Variants in FAM13A observed in about 807,000 individuals in gnomAD.
FAM13A encodes family with sequence similarity 13 member A.
In FAM13A, 76 loss-of-function variants were observed where a neutral mutation model predicts 129.6. The observed-to-expected ratio is 0.59, with a 90% CI of 0.49 to 0.71. The LOEUF is 0.71. Among genes scored for constraint, FAM13A ranks in the 30% least tolerant of loss-of-function variants. The pLI, the probability that FAM13A is intolerant of heterozygous loss-of-function variation, is 0.00. For synonymous variants in FAM13A, 443 were observed against 449.9 expected, an observed-to-expected ratio of 0.98 and a Z score of 0.20; for missense variants, 1,108 against 1,249.3, an observed-to-expected ratio of 0.89 and a Z score of 1.70.
chr4:88,924,738 A>C (rs7664935), intron 5 of FAM13A, among the ~76,000 whole-genome samples: 112,092 of 149,822 alleles, frequency 0.75, 42,216 homozygotes, highest in Non-Finnish European at 0.78. Flanking sequence ...GCTGCACAGC[A>C]AAAGAAACTA....
At chr4:88,791,454 T>C (rs1725138630) in intron 8 of FAM13A, among the ~76,000 whole-genome samples, 1 of 152,146 alleles carries the variant, frequency 6.6e-6, no homozygotes, top group Admixed American at 6.6e-5. Flanking sequence ...CTGGCAGCTA[T>C]TTTAATTGTA....
chr4:88,736,462 C>T (rs920298705), intron 21 of FAM13A: 4 of 152,152 alleles, frequency 2.6e-5, no homozygotes, highest in African/African-American at 7.2e-5. Context: ...CGTAAATGAT[C>T]GCCCCAGGCT....
intron 7 of FAM13A, among the ~76,000 whole-genome samples, chr4:88,833,375 CAAAT>C (rs1734245106): frequency 6.6e-6 from 1 of 152,034 alleles, no homozygotes; most frequent in South Asian, 2.1e-4. Context: ...ACTTAAAAAA[CAAAT>C]AAGTAATGAA....
chr4:88,852,318 A>T (rs1343883355), intron 6 of FAM13A, among the ~76,000 whole-genome samples: 1 of 151,934 alleles, frequency 6.6e-6, no homozygotes, highest in East Asian at 1.9e-4. Context: ...TGCACCAACA[A>T]GTCAGGGTAA....
intron 7 of FAM13A, among the ~76,000 whole-genome samples, chr4:88,822,326 T>C (rs1732137332): frequency 6.6e-6 from 1 of 151,988 alleles, no homozygotes; most frequent in Admixed American, 6.5e-5. Context: ...TACCTTTCTC[T>C]GCTTTGGTAT....
In FAM13A at chr4:88,820,906, TCTTTTAC is replaced by T. The variant is rs1381788877; in HGVS notation, c.1008-15861_1008-15855del. On this transcript the variant is annotated intron_variant, in intron 7 of 23. Coordinates refer to ENST00000264344, the MANE Select transcript of FAM13A (RefSeq NM_014883.4). ...TTCTTTAGCTGCTATTTAAAGCTATTCTTTTACACATCCAATTTCAATGTAGTTTCTA... is the reference window on the plus strand; with the variant it reads ...TTCTTTAGCTGCTATTTAAAGCTATTACATCCAATTTCAATGTAGTTTCTA... 2.0e-5 allele frequency among the ~76,000 whole-genome samples: 3 copies of T among 152,224 alleles called. No homozygotes were observed. In the East Asian group the frequency reaches 5.8e-4, roughly 29 times the overall value.
intron 8 of FAM13A, among the ~76,000 whole-genome samples, chr4:88,796,750 T>A (rs1726266692): frequency 6.6e-6 from 1 of 152,038 alleles, no homozygotes; most frequent in Non-Finnish European, 1.5e-5. Flanking sequence ...CTCAAATAAT[T>A]TAATCCACTT....
intron 13 of FAM13A, among the ~76,000 whole-genome samples, chr4:88,762,173 A>G (rs7674009): frequency 0.094 from 14,345 of 152,156 alleles, 861 homozygotes; most frequent in African/African-American, 0.16. Context: ...CAGTTTTTCT[A>G]TGTTTCAGGA....
At position 88,851,196 on chromosome 4, in the gene FAM13A, A is replaced by G; in HGVS notation, c.844-13T>C. 1 of 1,558,208 alleles carries G rather than the reference A, an allele frequency of 6.4e-7. No individual in the cohort carries two copies. On this transcript the variant is annotated splice_polypyrimidine_tract_variant and intron_variant, in intron 6 of 23. Transcript: ENST00000264344. ...TGGATTTTGGGATCTAGAAGAAAAA[A>G]AAAAGAGGGGTGGGGGAGAGCTAGA...
chr4:88,806,634 T>C (rs1343627419), intron 7 of FAM13A, among the ~76,000 whole-genome samples: 2 of 152,190 alleles, frequency 1.3e-5, no homozygotes, highest in African/African-American at 4.8e-5. Context: ...CTAATGCCCA[T>C]GTTGCCAAAT....
At chr4:89,000,001 A>G (rs1764038459) in intron 3 of FAM13A, among the ~76,000 whole-genome samples, 1 of 152,154 alleles carries the variant, frequency 6.6e-6, no homozygotes, top group African/African-American at 2.4e-5. Flanking sequence ...AAGCATTACT[A>G]AAAAAACAAA....
intron 4 of FAM13A, among the ~76,000 whole-genome samples, chr4:88,989,370 G>C (rs557004089): frequency 6.6e-6 from 1 of 152,048 alleles, no homozygotes; most frequent in Non-Finnish European, 1.5e-5. Flanking sequence ...GGGAGGTCGC[G>C]GCAGGTGGAT....
intron 1 of FAM13A, chr4:89,029,957 G>A (rs1269311058): frequency 4.2e-6 from 1 of 240,676 alleles, no homozygotes; most frequent in Admixed American, 5.7e-5. Flanking sequence ...GCACTACCTG[G>A]TTAACAGGAA....
At chr4:88,957,883 T>C (rs1579493508) in intron 4 of FAM13A, among the ~76,000 whole-genome samples, 1 of 152,198 alleles carries the variant, frequency 6.6e-6, no homozygotes, top group South Asian at 2.1e-4. Context: ...GTTTGAACTT[T>C]AGAGTGAAGA....
intron 5 of FAM13A, among the ~76,000 whole-genome samples, chr4:88,928,417 A>G: frequency 6.6e-6 from 1 of 152,062 alleles, no homozygotes; most frequent in East Asian, 1.9e-4. Flanking sequence ...TGATCTGTCT[A>G]TTGCTGTCCC....
intron 17 of FAM13A, among the ~76,000 whole-genome samples, chr4:88,748,620 C>G (rs914715293): frequency 6.6e-6 from 1 of 151,458 alleles, no homozygotes; most frequent in African/African-American, 2.4e-5. Flanking sequence ...AGATTCATCT[C>G]TGTGTCTACT....
chr4:88,776,565 A>G (rs1383690704), intron 11 of FAM13A, among the ~76,000 whole-genome samples: 2 of 152,234 alleles, frequency 1.3e-5, no homozygotes, highest in Non-Finnish European at 2.9e-5. Flanking sequence ...TGACATACAA[A>G]TGTTAATCAT....
At chr4:88,773,167 T>C (rs1178577885) in intron 11 of FAM13A, among the ~76,000 whole-genome samples, 2 of 152,188 alleles carry the variant, frequency 1.3e-5, no homozygotes. Context: ...TGCAATGGAT[T>C]CTCTTGCATC....
chr4:88,778,580 A>T (rs1180373724), intron 11 of FAM13A, among the ~76,000 whole-genome samples: 2 of 152,162 alleles, frequency 1.3e-5, no homozygotes, highest in Non-Finnish European at 2.9e-5. Flanking sequence ...ACCTCAGTTC[A>T]AGCCATCATC....
Sources: gnomAD v4.1 joint callset for allele counts (sites outside exome capture counted in the v4.1 genomes callset) on GRCh38, gnomAD v4.1.1 for gene constraint, MANE v1.5 for transcripts, NCBI Gene and HGNC (gene_info 2026-07-23, HGNC 2026-07-21) for gene names.